Variants in MDM2 observed in about 807,000 individuals in gnomAD.
The protein encoded by MDM2 is E3 ubiquitin-protein ligase Mdm2.
Under a neutral mutation model 64.3 loss-of-function variants are expected in MDM2, and 11 were observed. The observed-to-expected ratio is 0.17, with a 90% CI of 0.11 to 0.28. The LOEUF is 0.28. Among genes scored for constraint, MDM2 ranks in the 10% least tolerant of loss-of-function variants. The probability of loss-of-function intolerance (pLI) is 1.00; values close to 1 mark genes in which losing one functional copy is unlikely to be tolerated. For missense variants in MDM2, 388 were observed against 577.1 expected, an observed-to-expected ratio of 0.67 and a Z score of 3.36; for synonymous variants, 194 against 192.9, an observed-to-expected ratio of 1.01 and a Z score of -0.05.
At chr12:68,815,457 T>TTTTTTA (rs1437670839) in intron 3 of MDM2, among the ~76,000 whole-genome samples, 114 of 147,718 alleles carry the variant, frequency 7.7e-4, no homozygotes, top group African/African-American at 2.7e-3. Context: ...TTTTTTTTTT[T>TTTTTTA]ATGTGACAGT....
intron 1 of MDM2, 82 bp downstream of exon 1, chr12:68,808,573 C>T (rs1229750914): frequency 1.9e-6 from 3 of 1,591,044 alleles, no homozygotes; most frequent in Admixed American, 1.7e-5. Context: ...AGCCTCTGCC[C>T]GTTCGCAGCC....
In MDM2 at chr12:68,842,014, A is replaced by G. The variant is rs1446083447; in HGVS notation, c.*2165A>G. ...GTTGCAAGGTGTTCAGATTGTATAA[A>G]CATAAATGTCACAAAAACTTTAAAA... On this transcript the variant is annotated 3_prime_UTR_variant, in exon 11 of 11. Transcript: ENST00000258149. The G allele has an allele frequency of 1.2e-5, 5 of 406,970 alleles. No individual in the cohort carries two copies. The highest frequency in any genetic ancestry group is 2.4e-5 in the Non-Finnish European group (5 of 212,296). 25.2% of individuals were successfully genotyped at this position (406,970 alleles called of 1,614,324 possible).
intron 2 of MDM2, among the ~76,000 whole-genome samples, chr12:68,811,253 A>G (rs1280484840): frequency 6.6e-6 from 1 of 152,138 alleles, no homozygotes; most frequent in African/African-American, 2.4e-5. Context: ...TTTTCTTAGT[A>G]ATTGGAGTAG....
intron 4 of MDM2, among the ~76,000 whole-genome samples, chr12:68,819,113 A>G (rs1253639752): frequency 6.6e-6 from 1 of 152,198 alleles, no homozygotes; most frequent in African/African-American, 2.4e-5. Context: ...AAGAAATAGG[A>G]GAAATTACTG....
chr12:68,812,585 A>C (rs1414158767), intron 2 of MDM2, among the ~76,000 whole-genome samples: 1 of 152,222 alleles, frequency 6.6e-6, no homozygotes, highest in African/African-American at 2.4e-5. Flanking sequence ...CTGTCAGCCA[A>C]CTTTGGCCTG....
At chr12:68,831,454 C>T (rs1180872561) in intron 8 of MDM2, among the ~76,000 whole-genome samples, 1 of 152,108 alleles carries the variant, frequency 6.6e-6, no homozygotes, top group African/African-American at 2.4e-5. Flanking sequence ...TGCAGGATGC[C>T]ATGACATTTT....
At chr12:68,810,041 G>A (rs986162899) in intron 2 of MDM2, among the ~76,000 whole-genome samples, 3 of 152,146 alleles carry the variant, frequency 2.0e-5, no homozygotes, top group Non-Finnish European at 4.4e-5. Flanking sequence ...GCTGGCCTCG[G>A]TGGCTCACCC....
Position 68,842,455 on chromosome 12 carries a change from TA to T in MDM2, c.*2609del. 7.0e-6 allele frequency: 3 copies of T among 427,766 alleles called. No homozygotes were observed. The highest frequency in any genetic ancestry group is 2.1e-5 in the African/African-American group (1 of 48,726). 26.5% of individuals were successfully genotyped at this position (427,766 alleles called of 1,614,324 possible). A position where few individuals can be genotyped will look rare whatever the true frequency, so the allele number is the denominator to read the frequency against. ...ATCTCCTTTGGAGACTTAGAACCTCTAAATTATTGACTTATTTTTTATATAA... is the reference window on the plus strand; with the variant it reads ...ATCTCCTTTGGAGACTTAGAACCTCTAATTATTGACTTATTTTTTATATAA... On this transcript the variant is annotated 3_prime_UTR_variant, in exon 11 of 11. Coordinates refer to ENST00000258149, the MANE Select transcript of MDM2 (RefSeq NM_002392.6).
chr12:68,818,660 T>C (rs1003455801), intron 4 of MDM2, among the ~76,000 whole-genome samples: 3 of 150,372 alleles, frequency 2.0e-5, no homozygotes, highest in Admixed American at 1.3e-4. Flanking sequence ...TGTCATTTTA[T>C]ACGTGGCCTT....
intron 8 of MDM2, among the ~76,000 whole-genome samples, chr12:68,829,986 G>C (rs1695143): frequency 0.88 from 134,114 of 152,282 alleles, 59,318 homozygotes; most frequent in African/African-American, 0.97. Context: ...CCAACCCATG[G>C]CCTGTGGGCC....
At position 68,809,239 on chromosome 12, in the gene MDM2, A is replaced by G. The variant is rs1450828029; in HGVS notation, c.46A>G (p.Thr16Ala). ...GTGCAATACCAACATGTCTGTACCT[A>G]CTGATGGTGCTGTAACCACCTCACA... ...QMCNTNMSVP[T>A]DGAVTTSQIP... is the part of the protein sequence containing the mutation. The change falls in exon 2 of 11, where the codon ACT becomes GCT. Residue 16 changes from threonine to alanine, a missense_variant. Physicochemically the swap from Thr to Ala is moderately conservative, Grantham distance 58. Coordinates refer to ENST00000258149, the MANE Select transcript of MDM2 (RefSeq NM_002392.6). 9 of 1,614,094 alleles carry G rather than the reference A, an allele frequency of 5.6e-6. No individual in the cohort carries two copies. Among genetic ancestry groups the G allele is most frequent in the Non-Finnish European group, 7.6e-6 (9 of 1,180,014 alleles).
At chr12:68,831,810 G>C (rs1409497410) in intron 8 of MDM2, among the ~76,000 whole-genome samples, 1 of 152,196 alleles carries the variant, frequency 6.6e-6, no homozygotes, top group Admixed American at 6.5e-5. Flanking sequence ...GCTCATGCCT[G>C]TAATCCCAGC....
chr12:68,848,494 A>C (rs1884481997), downstream of MDM2: 2 of 152,040 alleles, frequency 1.3e-5, no homozygotes, highest in South Asian at 2.1e-4. Flanking sequence ...GTCCCCCCCC[A>C]AATTATTGTT....
In MDM2 at chr12:68,841,953, T is replaced by G; in HGVS notation, c.*2104T>G. On this transcript the variant is annotated 3_prime_UTR_variant, in exon 11 of 11. Coordinates refer to ENST00000258149, the MANE Select transcript of MDM2 (RefSeq NM_002392.6). Reference sequence around the variant, plus strand: ...GAAGTGTTAGTTTCTTTGGGACCCATCTACCCTGACCACATCATGATGTTC... The same window carrying G: ...GAAGTGTTAGTTTCTTTGGGACCCAGCTACCCTGACCACATCATGATGTTC... 5.7e-6 allele frequency: 2 copies of G among 349,900 alleles called. No individual in the cohort carries two copies. The highest frequency in any genetic ancestry group is 4.7e-5 in the East Asian group (1 of 21,382). 21.7% of individuals were successfully genotyped at this position (349,900 alleles called of 1,614,324 possible).
intron 4 of MDM2, among the ~76,000 whole-genome samples, chr12:68,818,929 G>A (rs1309064183): frequency 1.3e-5 from 2 of 151,732 alleles, no homozygotes; most frequent in Non-Finnish European, 2.9e-5. Context: ...ATGGGGTTTT[G>A]CCATGTTGGC....
chr12:68,814,096 A>G (rs1306024520), intron 3 of MDM2, among the ~76,000 whole-genome samples: 2 of 152,264 alleles, frequency 1.3e-5, no homozygotes, highest in African/African-American at 4.8e-5. Flanking sequence ...TCTGTCACCC[A>G]AGCTGGAGTG....
intron 8 of MDM2, 34 bp downstream of exon 8, chr12:68,828,965 T>TA: frequency 6.2e-7 from 1 of 1,607,666 alleles, no homozygotes; most frequent in Non-Finnish European, 8.5e-7. Flanking sequence ...GCAAGACTCT[T>TA]ACTGTTCAAA....
In MDM2 at chr12:68,835,647, G is replaced by T. The variant is rs375882760; in HGVS notation, c.685-182G>T. Among the ~76,000 whole-genome samples the T allele has an allele frequency of 1.6e-4, 24 of 152,342 alleles. No individual in the cohort carries two copies. In the South Asian group the frequency reaches 4.6e-3, roughly 29 times the overall value. ...GTGGCAACCGGCTCCGGGATGGCTGGCTGGGGGGCCTAGTCTTCTGCCCGC... is the reference window on the plus strand; with the variant it reads ...GTGGCAACCGGCTCCGGGATGGCTGTCTGGGGGGCCTAGTCTTCTGCCCGC... On this transcript the variant is annotated intron_variant, in intron 8 of 10. Transcript: ENST00000258149.
At chr12:68,848,564 T>G (rs959334956), downstream of MDM2, 2 of 152,192 alleles carry the variant, frequency 1.3e-5, no homozygotes, top group Non-Finnish European at 2.9e-5. Context: ...AAAGTTGATA[T>G]GGTGTCAGAA....
Sources: gnomAD v4.1 joint callset for allele counts (sites outside exome capture counted in the v4.1 genomes callset) on GRCh38, gnomAD v4.1.1 for gene constraint, MANE v1.5 for transcripts, NCBI Gene and HGNC (gene_info 2026-07-23, HGNC 2026-07-21) for gene names.